GPR155: variants seen among roughly 807,000 people sequenced by gnomAD.
GPR155 encodes the protein G protein-coupled receptor 155.
In GPR155, 65 loss-of-function variants were observed where a neutral mutation model predicts 93.1. The observed-to-expected ratio is 0.70, with a 90% CI of 0.57 to 0.86. The LOEUF (loss-of-function observed/expected upper bound fraction) is 0.86, where lower values mean the gene tolerates loss of function less well. Ranked by LOEUF, GPR155 falls within the 40% of genes least tolerant of loss-of-function variation. GPR155 has a pLI of 0.00. For synonymous variants in GPR155, 319 were observed against 360.1 expected, an observed-to-expected ratio of 0.89 and a Z score of 1.29; for missense variants, 838 against 1,034.8, an observed-to-expected ratio of 0.81 and a Z score of 2.61.
chr2:174,465,316 A>C (rs1419889897), intron 7 of GPR155, among the ~76,000 whole-genome samples: 1 of 152,146 alleles, frequency 6.6e-6, no homozygotes, highest in Non-Finnish European at 1.5e-5. Context: ...TTTGTCCTCA[A>C]AGTAACTCTG....
intron 2 of GPR155, among the ~76,000 whole-genome samples, chr2:174,476,807 T>C (rs1265343546): frequency 6.6e-6 from 1 of 152,014 alleles, no homozygotes; most frequent in Admixed American, 6.6e-5. Context: ...CTTCTTAATA[T>C]CTCCTTTTTT....
intron 10 of GPR155, among the ~76,000 whole-genome samples, chr2:174,458,558 C>A (rs1559107891): frequency 6.6e-6 from 1 of 152,318 alleles, no homozygotes; most frequent in East Asian, 1.9e-4. Flanking sequence ...CCTGTCAATA[C>A]AACTTTGCCT....
chr2:174,469,062 G>A lies in GPR155; in HGVS notation c.1032C>T (p.Thr344=), dbSNP rs1687919379. 2 of 1,613,136 alleles carry A rather than the reference G, an allele frequency of 1.2e-6. No homozygotes were observed. The highest frequency in any genetic ancestry group is 1.7e-5 in the Admixed American group (1 of 59,864). The change falls in exon 5 of 16, where the codon ACC becomes ACT. Residue 344 remains threonine, a synonymous_variant. Coordinates refer to ENST00000392552, the MANE Select transcript of GPR155 (RefSeq NM_152529.7). ...CAAATGTGCTTATCACCATCCCTGA[G>A]GTTATCTGCAAAAATGAAATCAAAC... ...TQFNMEVEII[T]SGMVISTFVS...
chr2:174,455,890 G>C (rs1360980208), intron 10 of GPR155, among the ~76,000 whole-genome samples: 1 of 152,056 alleles, frequency 6.6e-6, no homozygotes, highest in Non-Finnish European at 1.5e-5. Context: ...ACCCAGGCTG[G>C]AGTGCAGTGG....
intron 3 of GPR155, among the ~76,000 whole-genome samples, chr2:174,471,394 CA>C (rs1156941389): frequency 4.3e-3 from 186 of 43,488 alleles, no homozygotes; most frequent in Middle Eastern, 0.013. Context: ...GACTCTGTCT[CA>C]AAAAAAAAAA....
intron 9 of GPR155, 129 bp downstream of exon 9, chr2:174,461,273 A>G (rs1465988388): frequency 1.1e-5 from 7 of 640,252 alleles, no homozygotes; most frequent in African/African-American, 1.8e-5. Flanking sequence ...GTGATATAGG[A>G]TCACCAATCT....
rs374491850 is a variant in GPR155, at chr2:174,470,498, A to C, written c.918T>G (p.Ser306Arg). Residue 306 changes from serine to arginine, a missense_variant, in exon 4 of 16, where the codon AGT (serine) becomes AGG (arginine). Ser to Arg is a moderately radical substitution (Grantham distance 110). This residue lies in a region of GPR155 where 663 missense variants were observed against 790.1 expected (regional missense o/e 0.84). Transcript: ENST00000392552. ...TTGATAAACTTGTATGGTTCACCAC[A>C]CTGTCGCCCTTGTCCAAGAGTTCCA... ...EMVELLDKGD[S>R]VVNHTSLSNY... The C allele has an allele frequency of 3.7e-6, 6 of 1,613,774 alleles. No individual in the cohort carries two copies. The highest frequency in any genetic ancestry group is 4.2e-6 in the Non-Finnish European group (5 of 1,179,884).
chr2:174,478,349 A>G (rs1406414076), intron 2 of GPR155, among the ~76,000 whole-genome samples: 2 of 152,170 alleles, frequency 1.3e-5, no homozygotes, highest in African/African-American at 4.8e-5. Context: ...CCTCCCAGGT[A>G]GCTGGAACTA....
intron 10 of GPR155, 68 bp from the exon 11 acceptor site, chr2:174,453,909 G>T (rs1687408711): frequency 1.8e-6 from 2 of 1,094,448 alleles, no homozygotes; most frequent in Non-Finnish European, 2.8e-6. Flanking sequence ...TTTAAGAAAT[G>T]CCAAAGAAAA....
chr2:174,463,623 C>A (rs893733104), intron 7 of GPR155, among the ~76,000 whole-genome samples: 4 of 152,132 alleles, frequency 2.6e-5, no homozygotes, highest in Admixed American at 2.6e-4. Flanking sequence ...AAGGTCAAAA[C>A]CCCACATATG....
intron 3 of GPR155, 114 bp downstream of exon 3, chr2:174,472,851 A>G: frequency 1.3e-6 from 1 of 767,240 alleles, no homozygotes; most frequent in Non-Finnish European, 2.1e-6. Flanking sequence ...ACTATTCTAC[A>G]AGGAGGGGTT....
At chr2:174,436,578 C>T (rs1686791588) in intron 15 of GPR155, among the ~76,000 whole-genome samples, 162 bp from the exon 16 acceptor site, 1 of 152,194 alleles carries the variant, frequency 6.6e-6, no homozygotes, top group African/African-American at 2.4e-5. Context: ...GGTTTGTTAA[C>T]TCTCCTGACC....
At chr2:174,456,307 A>ATTT (rs112330863) in intron 10 of GPR155, among the ~76,000 whole-genome samples, 1 of 141,854 alleles carries the variant, frequency 7.0e-6, no homozygotes, top group African/African-American at 2.6e-5. Context: ...CCTAGGTATA[A>ATTT]TTTTTTTTTT....
intron 15 of GPR155, among the ~76,000 whole-genome samples, chr2:174,437,804 G>A (rs183551097): frequency 4.0e-5 from 6 of 151,324 alleles, no homozygotes; most frequent in Non-Finnish European, 5.9e-5. Flanking sequence ...GGCTGGTCTC[G>A]AACTCCCGAC....
rs570255374 is a variant in GPR155 at position 174,439,965 on chromosome 2, T to G, written c.2245A>C (p.Met749Leu). 4.3e-6 allele frequency: 7 copies of G among 1,611,378 alleles called. No individual in the cohort carries two copies. In the African/African-American group the frequency reaches 5.3e-5, roughly 12 times the overall value. ...RDSPVSEEIKMTCQQFIHYHR... is the reference protein window; with the variant it reads ...RDSPVSEEIKLTCQQFIHYHR... ...TAATGGATAAATTGTTGACAGGTCA[T>G]TTTTATTTCCTCTGAAACAGGAGAA... Residue 749 changes from methionine (M) to leucine (L), a missense_variant, in exon 15 of 16, where the codon ATG becomes CTG. Met to Leu is a conservative substitution (Grantham distance 15, BLOSUM62 2). This residue lies in a region of GPR155 where 146 missense variants were observed against 177.5 expected (regional missense o/e 0.82). Transcript: ENST00000392552.
chr2:174,433,037 G>T lies in GPR155; in HGVS notation c.*3079C>A, dbSNP rs1398219548. On this transcript the variant is annotated 3_prime_UTR_variant, in exon 16 of 16. Transcript: ENST00000392552. ...CTCGACCTCCCAAAGTGCTGGGATT[G>T]CAGGTATGAACCACCGCGCCTGGCC... 1 of 151,634 alleles carries T rather than the reference G, an allele frequency of 6.6e-6. No homozygotes were observed. The highest frequency in any genetic ancestry group is 1.5e-5 in the Non-Finnish European group (1 of 67,962). 9.4% of individuals were successfully genotyped at this position (151,634 alleles called of 1,614,324 possible).
chr2:174,479,780 G>A (rs1474538258), intron 2 of GPR155, among the ~76,000 whole-genome samples: 2 of 152,088 alleles, frequency 1.3e-5, no homozygotes, highest in Non-Finnish European at 2.9e-5. Flanking sequence ...ATTCTCCTGA[G>A]GAAATGGACA....
At chr2:174,475,717 A>G (rs938481108) in intron 2 of GPR155, among the ~76,000 whole-genome samples, 2 of 152,182 alleles carry the variant, frequency 1.3e-5, no homozygotes, top group African/African-American at 2.4e-5. Flanking sequence ...AGCACTTTTG[A>G]TAACTATTTT....
intron 11 of GPR155, among the ~76,000 whole-genome samples, chr2:174,447,732 G>A (rs1212132036): frequency 6.8e-6 from 1 of 147,348 alleles, no homozygotes; most frequent in African/African-American, 2.5e-5. Flanking sequence ...ACTTATAAGT[G>A]GGAGCTAAAT....
Sources: gnomAD v4.1 joint callset for allele counts (sites outside exome capture counted in the v4.1 genomes callset) on GRCh38, gnomAD v4.1.1 for gene constraint, gnomAD v4.1.1 regional missense constraint, MANE v1.5 for transcripts, NCBI Gene and HGNC (gene_info 2026-07-23, HGNC 2026-07-21) for gene names.